CHCHD3: variants seen among roughly 807,000 people sequenced by gnomAD.
The protein encoded by CHCHD3 is coiled-coil-helix-coiled-coil-helix domain containing 3, also known as MICOS complex subunit MIC19.
In CHCHD3, 20 loss-of-function variants were observed where a neutral mutation model predicts 38.2. The observed-to-expected ratio is 0.52, with a 90% CI of 0.37 to 0.76. CHCHD3 has a LOEUF of 0.76. CHCHD3 is among the 30% of genes least tolerant of loss of function. CHCHD3 has a pLI of 0.00. For synonymous variants in CHCHD3, 82 were observed against 100.0 expected (o/e 0.82, Z 1.07); for missense variants, 245 against 279.2 (o/e 0.88, Z 0.87).
At chr7:132,888,976 T>G (rs929286938) in intron 4 of CHCHD3, among the ~76,000 whole-genome samples, 1 of 152,016 alleles carries the variant, frequency 6.6e-6, no homozygotes, top group Non-Finnish European at 1.5e-5. Context: ...ATATATGTAG[T>G]GGGATATATT....
intron 4 of CHCHD3, among the ~76,000 whole-genome samples, chr7:132,889,813 C>T (rs150955654): frequency 2.6e-4 from 39 of 152,278 alleles, no homozygotes; most frequent in African/African-American, 6.5e-4. Context: ...AAGCTAATAG[C>T]TGCTGAGGAT....
intron 4 of CHCHD3, among the ~76,000 whole-genome samples, chr7:132,897,103 TA>T (rs1368681854): frequency 6.6e-6 from 1 of 152,222 alleles, no homozygotes; most frequent in Non-Finnish European, 1.5e-5. Context: ...TTACATAACT[TA>T]AGGTGCAATT....
At chr7:132,845,628 G>A (rs1455310352) in intron 5 of CHCHD3, among the ~76,000 whole-genome samples, 1 of 152,138 alleles carries the variant, frequency 6.6e-6, no homozygotes, top group Non-Finnish European at 1.5e-5. Flanking sequence ...GTACTTTAAT[G>A]CCAAGACTTC....
At chr7:132,836,253 G>A (rs1413276350) in intron 6 of CHCHD3, among the ~76,000 whole-genome samples, 1 of 152,020 alleles carries the variant, frequency 6.6e-6, no homozygotes, top group Non-Finnish European at 1.5e-5. Flanking sequence ...CTCAGTAGCT[G>A]GGATTACAGG....
At chr7:132,843,291 G>A (rs1405757744) in intron 5 of CHCHD3, among the ~76,000 whole-genome samples, 1 of 151,882 alleles carries the variant, frequency 6.6e-6, no homozygotes, top group African/African-American at 2.4e-5. Context: ...AGAGTCTTGG[G>A]CCACATCCTG....
At chr7:133,023,554 T>C (rs920710753) in intron 3 of CHCHD3, among the ~76,000 whole-genome samples, 1 of 152,180 alleles carries the variant, frequency 6.6e-6, no homozygotes, top group East Asian at 1.9e-4. Context: ...GTGGCAAGCA[T>C]GTGTTTGGTG....
intron 4 of CHCHD3, among the ~76,000 whole-genome samples, chr7:132,955,173 G>GGGGTGTGTGT (rs138213006): frequency 0.024 from 3,091 of 126,278 alleles, 70 homozygotes; most frequent in Admixed American, 0.048. Flanking sequence ...TCCCTCAGAG[G>GGGGTGTGTGT]GTGTGTGTGT....
chr7:132,966,570 A>G (rs1373486539), intron 4 of CHCHD3, among the ~76,000 whole-genome samples: 6 of 152,246 alleles, frequency 3.9e-5, no homozygotes, highest in African/African-American at 9.6e-5. Flanking sequence ...CACATAGTTT[A>G]TCACATGGTA....
chr7:132,863,482 T>A (rs1043127900), intron 5 of CHCHD3, among the ~76,000 whole-genome samples: 1 of 152,238 alleles, frequency 6.6e-6, no homozygotes, highest in African/African-American at 2.4e-5. Flanking sequence ...TGACTTAGCA[T>A]AATTCTGCAG....
chr7:133,044,022 T>G (rs1244453234), intron 2 of CHCHD3, among the ~76,000 whole-genome samples: 1 of 152,226 alleles, frequency 6.6e-6, no homozygotes, highest in African/African-American at 2.4e-5. Context: ...GTGTCCCGTA[T>G]GTTTCCAGAT....
At chr7:132,907,650 C>T (rs1412751775) in intron 4 of CHCHD3, among the ~76,000 whole-genome samples, 1 of 152,128 alleles carries the variant, frequency 6.6e-6, no homozygotes, top group Non-Finnish European at 1.5e-5. Context: ...GAGGTCTGGA[C>T]TTCATCCTGT....
chr7:132,984,332 C>G (rs1338746013), intron 3 of CHCHD3, among the ~76,000 whole-genome samples: 1 of 151,800 alleles, frequency 6.6e-6, no homozygotes, highest in African/African-American at 2.4e-5. Context: ...CCCGAGGTGC[C>G]GGGATGGCAG....
intron 6 of CHCHD3, among the ~76,000 whole-genome samples, chr7:132,835,562 TA>T (rs1807759763): frequency 6.6e-6 from 1 of 152,164 alleles, no homozygotes; most frequent in African/African-American, 2.4e-5. Context: ...ACTCCAAACC[TA>T]GTTCAGGCTG....
intron 6 of CHCHD3, among the ~76,000 whole-genome samples, chr7:132,810,714 G>T (rs1364538530): frequency 6.6e-6 from 1 of 152,138 alleles, no homozygotes; most frequent in Non-Finnish European, 1.5e-5. Flanking sequence ...TTCATGTCTG[G>T]ATTGGATTCA....
chr7:132,984,717 G>A (rs576747596), intron 3 of CHCHD3, among the ~76,000 whole-genome samples: 11 of 147,972 alleles, frequency 7.4e-5, no homozygotes, highest in Non-Finnish European at 1.3e-4. Flanking sequence ...CGGCCGCTCC[G>A]TCTGAGAAGT....
chr7:133,072,744 C>A (rs1283218170), intron 1 of CHCHD3, among the ~76,000 whole-genome samples: 1 of 149,826 alleles, frequency 6.7e-6, no homozygotes, highest in Non-Finnish European at 1.5e-5. Context: ...GAGGCTGAGG[C>A]AGGAGAATGG....
In CHCHD3 at chr7:133,035,268, G is replaced by A; in HGVS notation, c.170-10641C>T. Reference sequence around the variant, plus strand: ...AGGCTGGGTCTCTGCAAACTTTTTAGCATCAAACTGGGCCATCTTCTCACA... The same window carrying A: ...AGGCTGGGTCTCTGCAAACTTTTTAACATCAAACTGGGCCATCTTCTCACA... On this transcript the variant is annotated intron_variant, in intron 2 of 7. Transcript: ENST00000262570. The surrounding 1 kb of genome is among the most constrained non-coding windows in gnomAD (Gnocchi z 4.7). 2 of 1,613,364 alleles carry A rather than the reference G, an allele frequency of 1.2e-6. No homozygotes were observed. The highest frequency in any genetic ancestry group is 4.5e-5 in the East Asian group (2 of 44,866).
chr7:133,030,410 GGTCAGT>G (rs1813467905), intron 2 of CHCHD3, among the ~76,000 whole-genome samples: 1 of 152,122 alleles, frequency 6.6e-6, no homozygotes, highest in Admixed American at 6.5e-5. Flanking sequence ...TAAACTAAAA[GGTCAGT>G]GTTTCAGGAA....
intron 1 of CHCHD3, among the ~76,000 whole-genome samples, chr7:133,078,726 C>A (rs1051787678): frequency 8.5e-5 from 13 of 152,232 alleles, no homozygotes; most frequent in African/African-American, 3.1e-4. Flanking sequence ...TCTGTACTAT[C>A]TTTAACAGTG....
Sources: allele counts gnomAD v4.1 joint callset (sites outside exome capture counted in the v4.1 genomes callset), GRCh38; gene constraint gnomAD v4.1.1; non-coding constraint Gnocchi (gnomAD v3.1); transcripts MANE v1.5; gene names NCBI Gene and HGNC (gene_info 2026-07-23, HGNC 2026-07-21).